Variants in KLHL15 observed in about 807,000 individuals in gnomAD.
The protein encoded by KLHL15 is kelch-like protein 15.
KLHL15 carries 1 observed loss-of-function variant against 29.3 expected under a neutral mutation model. The ratio of observed to expected loss-of-function variants is 0.03; its 90% CI spans 0.01 to 0.16. The LOEUF is 0.16. Ranked by LOEUF, KLHL15 falls within the 10% of genes least tolerant of loss-of-function variation. The pLI, the probability that KLHL15 is intolerant of heterozygous loss-of-function variation, is 1.00. For synonymous variants in KLHL15, 212 were observed against 184.5 expected, an observed-to-expected ratio of 1.15 and a Z score of -1.21; for missense variants, 215 against 478.5, an observed-to-expected ratio of 0.45 and a Z score of 5.14.
intron 2 of KLHL15, among the ~76,000 whole-genome samples, chrX:24,022,009 G>T (rs1253462628): frequency 1.8e-5 from 2 of 111,342 alleles, no homozygotes; most frequent in African/African-American, 6.5e-5. Context: ...CATTTGCGGG[G>T]ACTCTTGTTC....
chrX:24,005,840 C>T, intron 3 of KLHL15, 149 bp downstream of exon 3: 1 of 451,259 alleles, frequency 2.2e-6, no homozygotes, highest in Non-Finnish European at 3.8e-6. Flanking sequence ...ACATAAAGTA[C>T]TCTTATGTTA....
chrX:24,006,268 A>G lies in KLHL15; in HGVS notation c.426T>C (p.Asp142=). 1 of 1,211,833 alleles carries G rather than the reference A, an allele frequency of 8.3e-7. No individual in the cohort carries two copies. Among genetic ancestry groups the G allele is most frequent in the Non-Finnish European group, 1.1e-6 (1 of 895,600 alleles). Reference sequence around the variant, plus strand: ...TGACTCCCTCGATGTTTACGCCGAAATCATCTAAGAGTCTCATAATTTCTG... The same window carrying G: ...TGACTCCCTCGATGTTTACGCCGAAGTCATCTAAGAGTCTCATAATTTCTG... ...NCAEIMRLLD[D]FGVNIEGVRE... is the part of the protein sequence containing the mutation. Residue 142 remains aspartate, a synonymous_variant, in exon 3 of 4, where the codon GAT becomes GAC. Transcript: ENST00000328046.
chrX:23,999,610 AAG>A lies in KLHL15; in HGVS notation c.705+6377_705+6378del, dbSNP rs1555975874. On this transcript the variant is annotated intron_variant, in intron 3 of 3. Transcript: ENST00000328046. The stretch of plus-strand genomic sequence containing the variant: ...ACTCCGTCTCAAAAAAAAAAAAAAA[AAG>A]AGAGAATCAGCAAGTAAGATTGAAC... 3.6e-5 allele frequency among the ~76,000 whole-genome samples: 4 copies of A among 109,776 alleles called. No homozygotes were observed. In the East Asian group the frequency reaches 8.6e-4, roughly 24 times the overall value.
chrX:24,025,976 C>A (rs1013294682), intron 1 of KLHL15, among the ~76,000 whole-genome samples: 2 of 110,758 alleles, frequency 1.8e-5, no homozygotes, highest in Non-Finnish European at 3.8e-5. Context: ...CGCCCACCCT[C>A]GACAAGTTGA....
In KLHL15 at chrX:24,002,603, G is replaced by GT. The variant is rs576565042; in HGVS notation, c.705+3385dup. Among the ~76,000 whole-genome samples, 321 of 83,688 alleles carry GT rather than the reference G, an allele frequency of 3.8e-3. 3 individuals are homozygous for GT. The highest frequency in any genetic ancestry group is 7.8e-3 in the South Asian group (13 of 1,658). 72.7% of individuals were successfully genotyped at this position (83,688 alleles called of 115,157 possible). A position where few individuals can be genotyped will look rare whatever the true frequency, so the allele number is the denominator to read the frequency against. ...AGTGCCATTAAATTTCCTAGGCTAT[G>GT]TTTTTTTTTTTTTTTTGGATGGGGT... On this transcript the variant is annotated intron_variant, in intron 3 of 3. Coordinates refer to ENST00000328046, the MANE Select transcript of KLHL15 (RefSeq NM_030624.3).
Position 23,986,903 on chromosome X carries a change from A to G in KLHL15, c.*1018T>C, listed in dbSNP as rs1928995983. On this transcript the variant is annotated 3_prime_UTR_variant, in exon 4 of 4. Transcript: ENST00000328046. ...TCTGGTATTACCTAAATGCTCTTTA[A>G]AAGTGCTTGCATGCTGCAGGGCCAG... 8.9e-6 allele frequency: 1 copy of G among 112,042 alleles called. No homozygotes were observed. Among genetic ancestry groups the G allele is most frequent in the South Asian group, 3.6e-4 (1 of 2,746 alleles). 9.2% of individuals were successfully genotyped at this position (112,042 alleles called of 1,213,427 possible).
chrX:24,014,457 G>A (rs1333286803), intron 2 of KLHL15, among the ~76,000 whole-genome samples: 2 of 110,530 alleles, frequency 1.8e-5, no homozygotes, highest in African/African-American at 3.3e-5. Context: ...TAATATTCAC[G>A]TTTCTGAAAA....
At chrX:24,016,369 G>GC (rs368854701) in intron 2 of KLHL15, among the ~76,000 whole-genome samples, 5,688 of 65,401 alleles carry the variant, frequency 0.087, 478 homozygotes, top group South Asian at 0.25. Context: ...AAAAAAAAAA[G>GC]GGGGGGTATA....
intron 2 of KLHL15, among the ~76,000 whole-genome samples, chrX:24,022,529 T>C (rs1336140918): frequency 1.9e-5 from 2 of 104,342 alleles, no homozygotes. Context: ...AGCTACTTAG[T>C]AGGCTGAGGC....
chrX:24,007,262 G>A (rs768317028), intron 2 of KLHL15, among the ~76,000 whole-genome samples: 79 of 108,799 alleles, frequency 7.3e-4, no homozygotes, highest in Admixed American at 5.0e-3. Flanking sequence ...GGAGGCCGAA[G>A]TGGGTGGATC....
chrX:23,989,454 C>T (rs948809701), intron 3 of KLHL15, among the ~76,000 whole-genome samples: 1 of 111,625 alleles, frequency 9.0e-6, no homozygotes, highest in Non-Finnish European at 1.9e-5. Flanking sequence ...GGATTACAGG[C>T]GTGAGCCACT....
At chrX:23,990,363 A>G (rs914765954) in intron 3 of KLHL15, among the ~76,000 whole-genome samples, 20 of 111,280 alleles carry the variant, frequency 1.8e-4, no homozygotes, top group South Asian at 3.7e-4. Flanking sequence ...AGAGATAAAG[A>G]TTATACTAAA....
intron 2 of KLHL15, among the ~76,000 whole-genome samples, chrX:24,010,579 G>A (rs2043205449): frequency 8.9e-6 from 1 of 112,131 alleles, no homozygotes; most frequent in Admixed American, 9.5e-5. Flanking sequence ...AATATCTCAT[G>A]ACTTGGAATC....
At position 24,000,413 on chromosome X, in the gene KLHL15, C is replaced by T. The variant is rs1383281573; in HGVS notation, c.705+5576G>A. On this transcript the variant is annotated intron_variant, in intron 3 of 3. Transcript: ENST00000328046. The stretch of plus-strand genomic sequence containing the variant: ...ACTTGAACCAGGGAGTTGGAGGTTG[C>T]GGTGAGCAGAAATTGTGCCACTGCA... 4.3e-4 allele frequency among the ~76,000 whole-genome samples: 48 copies of T among 111,132 alleles called. 1 individual carries two copies. The highest frequency in any genetic ancestry group is 9.8e-5 in the African/African-American group (3 of 30,570).
intron 3 of KLHL15, among the ~76,000 whole-genome samples, chrX:23,995,714 C>T (rs954894908): frequency 4.5e-5 from 5 of 110,008 alleles, no homozygotes; most frequent in African/African-American, 1.3e-4. Context: ...CATGAGCCAC[C>T]GTGCCCAGCC....
At chrX:24,020,921 G>A (rs957119244) in intron 2 of KLHL15, among the ~76,000 whole-genome samples, 1 of 102,110 alleles carries the variant, frequency 9.8e-6, no homozygotes, top group Non-Finnish European at 2.0e-5. Context: ...CAAATCATTA[G>A]TCTATAATAT....
chrX:23,988,508 C>A lies in KLHL15; in HGVS notation c.1228G>T (p.Asp410Tyr). The change falls in exon 4 of 4, where the codon GAT becomes TAT. Residue 410 changes from aspartate to tyrosine, a missense_variant. Asp to Tyr is a radical substitution (Grantham distance 160, BLOSUM62 -3). Transcript: ENST00000328046. ...DITNDKWEFV[D>Y]PYPVNKYGHE... Reference sequence around the variant, plus strand: ...CCATATTTGTTAACTGGATAAGGATCCACAAATTCCCATTTATCGTTGGTG... The same window carrying A: ...CCATATTTGTTAACTGGATAAGGATACACAAATTCCCATTTATCGTTGGTG... The A allele has an allele frequency of 1.7e-6, 2 of 1,211,123 alleles. No individual in the cohort carries two copies. Among genetic ancestry groups the A allele is most frequent in the Non-Finnish European group, 2.2e-6 (2 of 895,126 alleles).
chrX:24,016,370 G>T (rs1487537248), intron 2 of KLHL15, among the ~76,000 whole-genome samples: 1 of 78,772 alleles, frequency 1.3e-5, no homozygotes, highest in Non-Finnish European at 2.3e-5. Context: ...AAAAAAAAAG[G>T]GGGGGTATAC....
rs1231401839 is a variant in KLHL15, at chrX:23,984,883, C to G, written c.*3038G>C. 1 of 112,148 alleles carries G rather than the reference C, an allele frequency of 8.9e-6. No individual in the cohort carries two copies. The highest frequency in any genetic ancestry group is 1.9e-5 in the Non-Finnish European group (1 of 53,204). The allele number at this position is 112,148 out of a possible 1,213,427, so 9.2% of individuals were successfully genotyped here. On this transcript the variant is annotated 3_prime_UTR_variant, in exon 4 of 4. Coordinates refer to ENST00000328046, the MANE Select transcript of KLHL15 (RefSeq NM_030624.3). The stretch of plus-strand genomic sequence containing the variant: ...CTTTAGAAAAGATAAGTGAAGGGCT[C>G]AGTCAGTATTTCACAAATTCTAGTA...
Sources: gnomAD v4.1 joint callset for allele counts (sites outside exome capture counted in the v4.1 genomes callset) on GRCh38, gnomAD v4.1.1 for gene constraint, MANE v1.5 for transcripts, NCBI Gene and HGNC (gene_info 2026-07-23, HGNC 2026-07-21) for gene names.